Variants in KCNH5 observed in about 807,000 individuals in gnomAD.
KCNH5 encodes the protein potassium voltage-gated channel subfamily H member 5.
A neutral mutation model predicts 96.1 loss-of-function variants in KCNH5; 46 were observed. The observed-to-expected ratio is 0.48, with a 90% confidence interval of 0.38 to 0.61. KCNH5 has a LOEUF of 0.61. Ranked by LOEUF, KCNH5 falls within the 20% of genes least tolerant of loss-of-function variation. The pLI is 0.00. For missense variants in KCNH5, 907 were observed against 1,225.8 expected, an observed-to-expected ratio of 0.74 and a Z score of 3.88; for synonymous variants, 439 against 449.8, an observed-to-expected ratio of 0.98 and a Z score of 0.30.
intron 1 of KCNH5, among the ~76,000 whole-genome samples, chr14:63,038,463 A>C (rs538395596): frequency 6.6e-4 from 100 of 152,302 alleles, no homozygotes; most frequent in African/African-American, 2.3e-3. Flanking sequence ...ATGACTTTGT[A>C]CTTAATAGTT....
intron 8 of KCNH5, among the ~76,000 whole-genome samples, chr14:62,807,260 A>C (rs1167118649): frequency 6.6e-6 from 1 of 152,142 alleles, no homozygotes; most frequent in Non-Finnish European, 1.5e-5. Flanking sequence ...TAACCCAAAT[A>C]ATAACTCAGA....
rs560066554 is a variant in KCNH5 at position 62,896,725 on chromosome 14, C to T, written c.1370-46873G>A. ...AAGATTTTTCAGAAACAAAGACCTT[C>T]GTGAGGTCACAGGTAGCCCTTTGTT... On this transcript the variant is annotated intron_variant, in intron 7 of 10. Coordinates refer to ENST00000322893, the MANE Select transcript of KCNH5 (RefSeq NM_139318.5). Among the ~76,000 whole-genome samples the T allele has an allele frequency of 2.0e-5, 3 of 152,266 alleles. No homozygotes were observed. The South Asian group carries it at 6.2e-4, about 32-fold the overall frequency.
intron 9 of KCNH5, among the ~76,000 whole-genome samples, chr14:62,788,771 T>G (rs1052785283): frequency 3.3e-5 from 5 of 152,144 alleles, no homozygotes; most frequent in Non-Finnish European, 5.9e-5. Flanking sequence ...AGATGATCAT[T>G]AGCATATTTT....
chr14:63,004,750 A>C (rs369831366), intron 3 of KCNH5, among the ~76,000 whole-genome samples: 5 of 152,066 alleles, frequency 3.3e-5, no homozygotes, highest in African/African-American at 1.2e-4. Context: ...GACTATAGGC[A>C]TGTGCCTCCA....
intron 9 of KCNH5, among the ~76,000 whole-genome samples, chr14:62,788,435 A>C (rs978937774): frequency 6.6e-6 from 1 of 152,200 alleles, no homozygotes; most frequent in African/African-American, 2.4e-5. Context: ...GATGCCATGA[A>C]CATTGTTGAA....
intron 7 of KCNH5, among the ~76,000 whole-genome samples, chr14:62,853,421 C>T (rs1294073347): frequency 9.3e-6 from 1 of 107,598 alleles, no homozygotes; most frequent in Non-Finnish European, 1.9e-5. Flanking sequence ...GCATCATTAT[C>T]ACCACAAAAT....
chr14:62,711,793 G>A (rs949198484), intron 10 of KCNH5, among the ~76,000 whole-genome samples: 1 of 152,196 alleles, frequency 6.6e-6, no homozygotes, highest in African/African-American at 2.4e-5. Flanking sequence ...CAGTCTGCTA[G>A]AAGCCAGGCA....
intron 7 of KCNH5, among the ~76,000 whole-genome samples, chr14:62,858,854 C>T (rs1052538909): frequency 6.6e-6 from 1 of 152,288 alleles, no homozygotes; most frequent in South Asian, 2.1e-4. Context: ...GTATTATCAC[C>T]TAATTGGCAT....
At chr14:62,884,688 T>C (rs915600934) in intron 7 of KCNH5, among the ~76,000 whole-genome samples, 3 of 152,146 alleles carry the variant, frequency 2.0e-5, no homozygotes, top group African/African-American at 7.2e-5. Context: ...TATGTGTATG[T>C]AGGTGATATT....
chr14:62,958,880 T>A (rs1191163060), intron 6 of KCNH5, among the ~76,000 whole-genome samples: 1 of 152,160 alleles, frequency 6.6e-6, no homozygotes, highest in Non-Finnish European at 1.5e-5. Flanking sequence ...ACCTGCTCAC[T>A]ATATTTCAAG....
At chr14:62,763,365 T>C (rs1271792511) in intron 10 of KCNH5, among the ~76,000 whole-genome samples, 6 of 151,696 alleles carry the variant, frequency 4.0e-5, no homozygotes, top group African/African-American at 1.5e-4. Flanking sequence ...AGAGACAATA[T>C]ACCCGAATCT....
At chr14:62,928,191 G>A (rs112891740) in intron 7 of KCNH5, among the ~76,000 whole-genome samples, 275 of 152,174 alleles carry the variant, frequency 1.8e-3, no homozygotes, top group African/African-American at 6.3e-3. Flanking sequence ...GAAATAAGAG[G>A]AGTCAGCACA....
Position 62,722,308 on chromosome 14 carries a change from A to C in KCNH5, c.2020-13853T>G, listed in dbSNP as rs1884832729. On this transcript the variant is annotated intron_variant, in intron 10 of 10. Transcript: ENST00000322893. ...TTTTCATCTTGGGAACATTAAAATA[A>C]AATTCCCAGGATTAGGGGAGTTATA... 3.3e-5 allele frequency among the ~76,000 whole-genome samples: 5 copies of C among 152,310 alleles called. No individual in the cohort carries two copies. The South Asian group carries it at 1.0e-3, about 32-fold the overall frequency.
intron 6 of KCNH5, among the ~76,000 whole-genome samples, chr14:62,964,574 C>T (rs899331280): frequency 1.3e-5 from 2 of 152,084 alleles, no homozygotes; most frequent in Non-Finnish European, 2.9e-5. Flanking sequence ...CTTAACTTGG[C>T]TTCTTCCTAA....
chr14:62,945,209 G>T (rs190252735), intron 7 of KCNH5, among the ~76,000 whole-genome samples: 2 of 152,152 alleles, frequency 1.3e-5, no homozygotes, highest in Admixed American at 6.6e-5. Context: ...AGAACATTTT[G>T]TTGGAGCTTC....
At chr14:62,791,604 A>T (rs1327000538) in intron 9 of KCNH5, among the ~76,000 whole-genome samples, 1 of 151,728 alleles carries the variant, frequency 6.6e-6, no homozygotes, top group African/African-American at 2.4e-5. Context: ...AACAGTAGCC[A>T]AAAGAGAGCA....
chr14:62,813,092 G>C (rs1480508466), intron 8 of KCNH5, among the ~76,000 whole-genome samples: 1 of 152,074 alleles, frequency 6.6e-6, no homozygotes, highest in African/African-American at 2.4e-5. Context: ...AAATTAGTAG[G>C]TAAAATGCCA....
At chr14:63,037,241 C>T (rs143506027) in intron 1 of KCNH5, among the ~76,000 whole-genome samples, 1 of 152,098 alleles carries the variant, frequency 6.6e-6, no homozygotes, top group Non-Finnish European at 1.5e-5. Flanking sequence ...TAAGTTAAGT[C>T]ACCGAGCTAG....
At chr14:62,708,771 T>G (rs1002720029) in intron 10 of KCNH5, among the ~76,000 whole-genome samples, 10 of 152,108 alleles carry the variant, frequency 6.6e-5, no homozygotes, top group African/African-American at 2.4e-4. Flanking sequence ...TATGTTCCCC[T>G]TATATTGCCG....
Sources: gnomAD v4.1 joint callset for allele counts (sites outside exome capture counted in the v4.1 genomes callset) on GRCh38, gnomAD v4.1.1 for gene constraint, MANE v1.5 for transcripts, NCBI Gene and HGNC (gene_info 2026-07-23, HGNC 2026-07-21) for gene names.